PREX2: variants seen among roughly 807,000 people sequenced by gnomAD.
The protein encoded by PREX2 is phosphatidylinositol-3,4,5-trisphosphate dependent Rac exchange factor 2.
In PREX2, 107 loss-of-function variants were observed where a neutral mutation model predicts 203.2. That is an observed-to-expected ratio of 0.53 (90% confidence interval 0.45 to 0.62). The LOEUF (loss-of-function observed/expected upper bound fraction) is 0.62. Ranked by LOEUF, PREX2 falls within the 20% of genes least tolerant of loss-of-function variation. The pLI is 0.00. For missense variants in PREX2, 1,777 were observed against 1,955.9 expected, an observed-to-expected ratio of 0.91 and a Z score of 1.72; for synonymous variants, 672 against 663.6, an observed-to-expected ratio of 1.01 and a Z score of -0.19.
chr8:68,208,525 T>C (rs1417705551), intron 37 of PREX2, among the ~76,000 whole-genome samples: 3 of 152,184 alleles, frequency 2.0e-5, no homozygotes, highest in East Asian at 1.9e-4. Context: ...TTCTCTCTTA[T>C]CAGGTTCAGT....
intron 29 of PREX2, 78 bp from the exon 30 acceptor site, chr8:68,120,843 A>G: frequency 8.1e-7 from 1 of 1,241,838 alleles, no homozygotes; most frequent in Non-Finnish European, 1.1e-6. Context: ...ACAGTGACAG[A>G]AGAAGGTTTT....
At chr8:68,174,890 C>T (rs944271164) in intron 35 of PREX2, among the ~76,000 whole-genome samples, 1 of 152,220 alleles carries the variant, frequency 6.6e-6, no homozygotes, top group Admixed American at 6.5e-5. Context: ...TTCCTAGCTC[C>T]TTCCATTCTG....
intron 1 of PREX2, among the ~76,000 whole-genome samples, chr8:67,995,443 G>A (rs1442587021): frequency 6.6e-6 from 1 of 152,046 alleles, no homozygotes; most frequent in Non-Finnish European, 1.5e-5. Flanking sequence ...AGTTTTCTTT[G>A]CCCAACAGAG....
In PREX2 at chr8:68,045,803, G is replaced by T. The variant is rs190750296; in HGVS notation, c.943+1213G>T. On this transcript the variant is annotated intron_variant, in intron 8 of 39. Transcript: ENST00000288368. ...CTGTAATGCAGTTGCAGATACTCCC[G>T]TGCTAACATGTGGGACCTAGTCGGC... Among the ~76,000 whole-genome samples the T allele has an allele frequency of 4.5e-4, 69 of 152,182 alleles. 1 individual carries two copies. Among genetic ancestry groups the T allele is most frequent in the Admixed American group, 2.1e-3 (32 of 15,274 alleles).
At chr8:68,069,814 A>G (rs776524377) in intron 12 of PREX2, 21 bp from the exon 13 acceptor site, 4 of 1,341,856 alleles carry the variant, frequency 3.0e-6, no homozygotes, top group Admixed American at 1.8e-5. Context: ...CTTGTTTTTG[A>G]TATATCTCTA....
chr8:68,019,737 A>G (rs537534798), intron 3 of PREX2, 66 bp downstream of exon 3: 39 of 1,463,386 alleles, frequency 2.7e-5, no homozygotes, highest in Non-Finnish European at 3.3e-5. Flanking sequence ...AGCTCTTGGC[A>G]TAGTGGTATG....
At chr8:68,142,665 G>A (rs144639793) in intron 33 of PREX2, among the ~76,000 whole-genome samples, 249 of 151,992 alleles carry the variant, frequency 1.6e-3, no homozygotes, top group African/African-American at 5.7e-3. Flanking sequence ...TTCCTGGATC[G>A]TATGTTAAGA....
At chr8:67,958,965 A>C (rs991559075) in intron 1 of PREX2, among the ~76,000 whole-genome samples, 1 of 152,212 alleles carries the variant, frequency 6.6e-6, no homozygotes, top group Non-Finnish European at 1.5e-5. Context: ...CTTGAGAAAT[A>C]ATTTGGGCCA....
At chr8:68,027,135 A>T in intron 4 of PREX2, 87 bp from the exon 5 acceptor site, 1 of 901,264 alleles carries the variant, frequency 1.1e-6, no homozygotes, top group Non-Finnish European at 1.8e-6. Context: ...ATATGCTTTC[A>T]CTAGTTTTTA....
chr8:68,142,392 T>C (rs1811247039), intron 33 of PREX2, among the ~76,000 whole-genome samples: 1 of 152,172 alleles, frequency 6.6e-6, no homozygotes, highest in African/African-American at 2.4e-5. Context: ...GATCGTACAG[T>C]AGGTAGCTTT....
At chr8:68,222,497 G>A (rs1812972454) in intron 38 of PREX2, among the ~76,000 whole-genome samples, 2 of 151,204 alleles carry the variant, frequency 1.3e-5, no homozygotes, top group South Asian at 4.2e-4. Flanking sequence ...ATAATTATGA[G>A]TCCACACTGA....
At chr8:68,165,416 C>T (rs1187242236) in intron 35 of PREX2, among the ~76,000 whole-genome samples, 2 of 151,828 alleles carry the variant, frequency 1.3e-5, no homozygotes, top group Non-Finnish European at 2.9e-5. Context: ...TATTTATTTA[C>T]TTAAGTTTCT....
intron 37 of PREX2, among the ~76,000 whole-genome samples, chr8:68,213,278 C>T (rs988743987): frequency 1.3e-5 from 2 of 152,188 alleles, no homozygotes; most frequent in African/African-American, 4.8e-5. Flanking sequence ...AAGAAGACAG[C>T]AGCCATATCA....
At chr8:68,192,055 A>G (rs186228487) in intron 36 of PREX2, among the ~76,000 whole-genome samples, 82 of 152,276 alleles carry the variant, frequency 5.4e-4, no homozygotes, top group Admixed American at 4.4e-3. Context: ...CATCACCTAC[A>G]TTAGGTCAGT....
rs144652776 is a variant in PREX2, at chr8:68,002,074, A to G, written c.142-15772A>G. ...AACAAACCTGCATATGTACCCTTGA[A>G]TGTAAAATAAACTTAAAAAAAAAAG... is the stretch of plus-strand genomic sequence containing the variant. On this transcript the variant is annotated intron_variant, in intron 1 of 39. Coordinates refer to ENST00000288368, the MANE Select transcript of PREX2 (RefSeq NM_024870.4). Among the ~76,000 whole-genome samples the G allele has an allele frequency of 4.9e-3, 550 of 112,318 alleles. 5 individuals carry two copies. The highest frequency in any genetic ancestry group is 0.016 in the African/African-American group (524 of 32,238). 73.7% of individuals were successfully genotyped at this position (112,318 alleles called of 152,430 possible).
intron 17 of PREX2, chr8:68,082,984 G>C: frequency 2.9e-6 from 1 of 341,312 alleles, no homozygotes; most frequent in South Asian, 7.2e-5. Context: ...CAGAAGAGGG[G>C]AGTAGGATGT....
At chr8:68,020,587 A>G (rs1383535482) in intron 3 of PREX2, among the ~76,000 whole-genome samples, 1 of 152,160 alleles carries the variant, frequency 6.6e-6, no homozygotes, top group Admixed American at 6.5e-5. Flanking sequence ...TGTTCTTTTT[A>G]TAGTCAGAAA....
intron 7 of PREX2, among the ~76,000 whole-genome samples, chr8:68,039,312 G>A (rs1264623315): frequency 6.6e-6 from 1 of 152,070 alleles, no homozygotes; most frequent in African/African-American, 2.4e-5. Context: ...TCACTTTTCT[G>A]CTCTTTAAGG....
intron 37 of PREX2, among the ~76,000 whole-genome samples, chr8:68,205,268 A>G (rs1812597173): frequency 1.3e-5 from 2 of 152,210 alleles, no homozygotes; most frequent in Non-Finnish European, 2.9e-5. Flanking sequence ...AGATAAGAGA[A>G]CTTGTTGCTG....
Sources: allele counts gnomAD v4.1 joint callset (sites outside exome capture counted in the v4.1 genomes callset), GRCh38; gene constraint gnomAD v4.1.1; transcripts MANE v1.5; gene names NCBI Gene and HGNC (gene_info 2026-07-23, HGNC 2026-07-21).